The following KCNQ4 variants were observed in gnomAD, a reference collection of about 807,000 sequenced individuals.
The protein encoded by KCNQ4 is potassium voltage-gated channel subfamily Q member 4.
A neutral mutation model predicts 72.6 loss-of-function variants in KCNQ4; 31 were observed. That is an observed-to-expected ratio of 0.43 (90% CI 0.32 to 0.58). The LOEUF (loss-of-function observed/expected upper bound fraction) is 0.58, where lower values mean the gene tolerates loss of function less well. KCNQ4 is among the 20% of genes least tolerant of loss of function. The pLI is 0.08. For synonymous variants in KCNQ4, 405 were observed against 403.7 expected (o/e 1.00, Z -0.04); for missense variants, 869 against 962.6 (o/e 0.90, Z 1.29).
intron 1 of KCNQ4, among the ~76,000 whole-genome samples, chr1:40,816,080 G>A (rs998691678): frequency 1.3e-5 from 2 of 152,148 alleles, no homozygotes; most frequent in South Asian, 2.1e-4. Context: ...AGGCGTGGAC[G>A]ATGAGCAGAG....
intron 1 of KCNQ4, among the ~76,000 whole-genome samples, chr1:40,790,522 A>G (rs1647262360): frequency 6.6e-6 from 1 of 152,180 alleles, no homozygotes; most frequent in South Asian, 2.1e-4. Flanking sequence ...GGCCCTGCCC[A>G]TGAGAGTGTC....
chr1:40,821,559 T>A (rs1648292301), intron 7 of KCNQ4, among the ~76,000 whole-genome samples: 1 of 152,180 alleles, frequency 6.6e-6, no homozygotes, highest in South Asian at 2.1e-4. Flanking sequence ...AGCCCATGGA[T>A]GCTGAGGGGT....
intron 9 of KCNQ4, 24 bp from the exon 10 acceptor site, chr1:40,831,060 C>T (rs2148329707): frequency 2.6e-6 from 4 of 1,556,838 alleles, no homozygotes; most frequent in East Asian, 2.4e-5. Flanking sequence ...ACTTGGCTCT[C>T]TCCCAACCTG....
chr1:40,833,150 G>C (rs1648703534), intron 11 of KCNQ4, 37 bp downstream of exon 11: 1 of 1,495,030 alleles, frequency 6.7e-7, no homozygotes, highest in East Asian at 2.3e-5. Context: ...CCCCCTCCGT[G>C]TGCCACCCAC....
In KCNQ4 at chr1:40,819,862, T is replaced by C. The variant is rs754069767; in HGVS notation, c.835-13T>C. On this transcript the variant is annotated splice_polypyrimidine_tract_variant and intron_variant, in intron 5 of 13. Transcript: ENST00000347132. Reference sequence around the variant, plus strand: ...CGTGACCAGTCCTGCCTGTAACCTGTTTGTGTCTCCAGATTACATTGACAA... The same window carrying C: ...CGTGACCAGTCCTGCCTGTAACCTGCTTGTGTCTCCAGATTACATTGACAA... 6.3e-6 allele frequency: 10 copies of C among 1,593,828 alleles called. No homozygotes were observed. The Admixed American group carries it at 1.7e-4, about 27-fold the overall frequency.
At position 40,824,215 on chromosome 1, in the gene KCNQ4, A is replaced by G. The variant is rs555850253; in HGVS notation, c.1249A>G (p.Thr417Ala). The change falls in exon 9 of 14, where the codon ACC becomes GCC. Residue 417 changes from threonine (T) to alanine (A), a missense_variant. By Grantham distance (58) the Thr-to-Ala change is moderately conservative. Coordinates refer to ENST00000347132, the MANE Select transcript of KCNQ4 (RefSeq NM_004700.4). ...ACCCTCCCGTTACCCGCCCGTTGCC[A>G]CCTGCCACCGGCCGGGCAGCACCTC... is the stretch of plus-strand genomic sequence containing the variant. The part of the protein sequence containing the change: ...GAPSRYPPVA[T>A]CHRPGSTSFC... The G allele has an allele frequency of 6.2e-7, 1 of 1,604,518 alleles. No homozygotes were observed. Among genetic ancestry groups the G allele is most frequent in the East Asian group, 2.3e-5 (1 of 44,374 alleles).
chr1:40,815,767 C>T (rs1033985934), intron 1 of KCNQ4, among the ~76,000 whole-genome samples: 8 of 152,146 alleles, frequency 5.3e-5, no homozygotes, highest in Non-Finnish European at 1.0e-4. Context: ...GGCAGTGCCA[C>T]GCCCTTTGCA....
In KCNQ4 at chr1:40,788,456, C is replaced by T. The variant is rs1023101540; in HGVS notation, c.314+4049C>T. Among the ~76,000 whole-genome samples the T allele has an allele frequency of 5.3e-5, 8 of 152,220 alleles. No individual in the cohort carries two copies. The highest frequency in any genetic ancestry group is 1.3e-4 in the Admixed American group (2 of 15,282). On this transcript the variant is annotated intron_variant, in intron 1 of 13. Coordinates refer to ENST00000347132, the MANE Select transcript of KCNQ4 (RefSeq NM_004700.4). This position sits in a 1 kb window ranked among gnomAD's most constrained non-coding sequence, Gnocchi z 4.5. Reference sequence around the variant, plus strand: ...TCTCTGGTTGTGTGTGCAGCACCAACTATGCACAGGGCACCCTGCTGAGCT... The same window carrying T: ...TCTCTGGTTGTGTGTGCAGCACCAATTATGCACAGGGCACCCTGCTGAGCT...
intron 4 of KCNQ4, 38 bp downstream of exon 4, chr1:40,818,718 T>C (rs1558013607): frequency 6.4e-7 from 1 of 1,557,706 alleles, no homozygotes; most frequent in Non-Finnish European, 8.6e-7. Context: ...CCCGAGGGCG[T>C]GTCTGGGGCA....
chr1:40,787,209 A>G, intron 1 of KCNQ4, among the ~76,000 whole-genome samples: 1 of 151,898 alleles, frequency 6.6e-6, no homozygotes, highest in Non-Finnish European at 1.5e-5. Context: ...TGACTCTACA[A>G]AATTTAAAAA....
At chr1:40,823,384 G>A (rs774103809) in intron 8 of KCNQ4, among the ~76,000 whole-genome samples, 1 of 152,150 alleles carries the variant, frequency 6.6e-6, no homozygotes, top group Admixed American at 6.5e-5. Flanking sequence ...CGAGAGTGGG[G>A]CAGGGCTGAT....
At chr1:40,806,451 G>A (rs934189114) in intron 1 of KCNQ4, among the ~76,000 whole-genome samples, 8 of 152,244 alleles carry the variant, frequency 5.3e-5, no homozygotes, top group Non-Finnish European at 1.0e-4. Context: ...TGGTGCAACA[G>A]GTAGGCAGGC....
chr1:40,805,999 G>A (rs558453400), intron 1 of KCNQ4, among the ~76,000 whole-genome samples: 2 of 152,210 alleles, frequency 1.3e-5, no homozygotes, highest in Admixed American at 1.3e-4. Context: ...CCACCACCAC[G>A]CCTGGCTAAG....
rs764766384 is a variant in KCNQ4, at chr1:40,834,963, A to G, written c.1614-4A>G. On this transcript the variant is annotated splice_polypyrimidine_tract_variant and splice_region_variant and intron_variant, in intron 11 of 13. Transcript: ENST00000347132. ...CACTCCCTCTGAGCCCCCTCCCCCA[A>G]CAGGATTCTCAAGTTCCTGGTGGCC... The G allele has an allele frequency of 6.2e-7, 1 of 1,613,182 alleles. No individual in the cohort carries two copies. The highest frequency in any genetic ancestry group is 8.5e-7 in the Non-Finnish European group (1 of 1,179,414).
At chr1:40,801,387 C>T (rs1647571377) in intron 1 of KCNQ4, among the ~76,000 whole-genome samples, 1 of 152,134 alleles carries the variant, frequency 6.6e-6, no homozygotes, top group African/African-American at 2.4e-5. Context: ...ACCCCCTCTC[C>T]AAAGCAGGCC....
intron 12 of KCNQ4, among the ~76,000 whole-genome samples, 184 bp from the exon 13 acceptor site, chr1:40,837,480 GA>G: frequency 6.6e-6 from 1 of 152,336 alleles, no homozygotes; most frequent in East Asian, 1.9e-4. Context: ...GGCCAGTGGA[GA>G]ACCACCAGAG....
rs1285008072 is a variant in KCNQ4, at chr1:40,831,198, G to C, written c.1407G>C (p.Gln469His). Reference sequence around the variant, plus strand: ...TGCCCACCTCCCCAAGCAGCGAGCAGGTGGGTGAGGCCACCAGCCCCACCA... The same window carrying C: ...TGCCCACCTCCCCAAGCAGCGAGCACGTGGGTGAGGCCACCAGCCCCACCA... Reference protein sequence around the residue: ...PTMPTSPSSEQVGEATSPTKV... With the variant: ...PTMPTSPSSEHVGEATSPTKV... The change falls in exon 10 of 14, where the codon CAG becomes CAC. Residue 469 changes from glutamine (Q) to histidine (H), a missense_variant. Coordinates refer to ENST00000347132, the MANE Select transcript of KCNQ4 (RefSeq NM_004700.4). 6.2e-7 allele frequency: 1 copy of C among 1,610,508 alleles called. No homozygotes were observed. Among genetic ancestry groups the C allele is most frequent in the Non-Finnish European group, 8.5e-7 (1 of 1,178,554 alleles).
intron 9 of KCNQ4, among the ~76,000 whole-genome samples, chr1:40,830,410 C>A (rs566915038): frequency 2.6e-5 from 4 of 152,316 alleles, no homozygotes; most frequent in African/African-American, 9.6e-5. Flanking sequence ...GCCTGCACAG[C>A]TGTACGAGGC....
At chr1:40,802,803 C>T (rs1647624729) in intron 1 of KCNQ4, among the ~76,000 whole-genome samples, 1 of 152,196 alleles carries the variant, frequency 6.6e-6, no homozygotes, top group African/African-American at 2.4e-5. Context: ...CCAGGGGAGA[C>T]CCCTGCCTCC....
Sources: allele counts gnomAD v4.1 joint callset (sites outside exome capture counted in the v4.1 genomes callset), GRCh38; gene constraint gnomAD v4.1.1; non-coding constraint Gnocchi (gnomAD v3.1); transcripts MANE v1.5; gene names NCBI Gene and HGNC (gene_info 2026-07-23, HGNC 2026-07-21).